Variants in GPR137B observed in about 807,000 individuals in gnomAD.
GPR137B encodes the protein G protein-coupled receptor 137B.
A neutral mutation model predicts 42.5 loss-of-function variants in GPR137B; 42 were observed. The observed-to-expected ratio is 0.99, with a 90% CI of 0.77 to 1.28. The LOEUF is 1.28. Ranked by LOEUF, GPR137B falls within the 50% of genes most tolerant of loss-of-function variation. The pLI is 0.00. For missense variants in GPR137B, 487 were observed against 493.9 expected (o/e 0.99, Z 0.13); for synonymous variants, 218 against 209.7 (o/e 1.04, Z -0.34).
In GPR137B at chr1:236,146,895, G is replaced by A. The variant is rs1005639062; in HGVS notation, c.414+3859G>A. On this transcript the variant is annotated intron_variant, in intron 1 of 6. Transcript: ENST00000366592. ...GTGATCTTGGCTCACTGCAACCTCC[G>A]CCTCCCAGATTCAAGCAGTTCTCCT... Among the ~76,000 whole-genome samples, 7 of 152,116 alleles carry A rather than the reference G, an allele frequency of 4.6e-5. 1 individual carries two copies. Among genetic ancestry groups the A allele is most frequent in the Middle Eastern group, 6.8e-3 (2 of 294 alleles).
At chr1:236,158,093 A>G (rs1662085357) in intron 1 of GPR137B, among the ~76,000 whole-genome samples, 1 of 152,206 alleles carries the variant, frequency 6.6e-6, no homozygotes, top group Non-Finnish European at 1.5e-5. Flanking sequence ...AGGAGGGGGC[A>G]GGCTGGGAGC....
intron 2 of GPR137B, among the ~76,000 whole-genome samples, chr1:236,170,095 G>A (rs1662490298): frequency 6.6e-6 from 1 of 151,314 alleles, no homozygotes; most frequent in Non-Finnish European, 1.5e-5. Flanking sequence ...GGTTGGGGGA[G>A]GAGAACAGGC....
intron 6 of GPR137B, among the ~76,000 whole-genome samples, chr1:236,206,142 C>G (rs1040814301): frequency 2.6e-5 from 4 of 152,170 alleles, no homozygotes; most frequent in Non-Finnish European, 5.9e-5. Flanking sequence ...ATAAATACTT[C>G]TATAGCATCT....
At chr1:236,159,155 G>A (rs970053214) in intron 1 of GPR137B, among the ~76,000 whole-genome samples, 1 of 151,758 alleles carries the variant, frequency 6.6e-6, no homozygotes, top group African/African-American at 2.4e-5. Flanking sequence ...TAAAAAATAA[G>A]ACAAATTAGC....
At chr1:236,198,450 C>T (rs1663401330) in intron 5 of GPR137B, among the ~76,000 whole-genome samples, 1 of 152,138 alleles carries the variant, frequency 6.6e-6, no homozygotes, top group Admixed American at 6.5e-5. Flanking sequence ...AAGTGATCTA[C>T]CTGCCTGGCC....
At chr1:236,185,203 T>C (rs1221983495) in intron 5 of GPR137B, among the ~76,000 whole-genome samples, 1 of 152,248 alleles carries the variant, frequency 6.6e-6, no homozygotes, top group African/African-American at 2.4e-5. Context: ...GAAAAAAGTC[T>C]AATACTCTTG....
At chr1:236,170,571 A>G (rs2102904846) in intron 2 of GPR137B, among the ~76,000 whole-genome samples, 1 of 152,300 alleles carries the variant, frequency 6.6e-6, no homozygotes, top group Admixed American at 6.5e-5. Context: ...CCACTGTGAA[A>G]TGATGTTGGT....
intron 2 of GPR137B, among the ~76,000 whole-genome samples, chr1:236,177,787 C>A (rs1003251503): frequency 2.0e-5 from 3 of 151,910 alleles, no homozygotes; most frequent in African/African-American, 7.3e-5. Context: ...AACTCCTGAC[C>A]TCAAGCTATC....
chr1:236,169,228 A>ACAGGTG (rs1160645210), intron 2 of GPR137B, among the ~76,000 whole-genome samples: 39 of 126,592 alleles, frequency 3.1e-4, no homozygotes, highest in South Asian at 1.2e-3. Flanking sequence ...AGGTACAGGT[A>ACAGGTG]CAGGTGCAGG....
rs1663730321 is a variant in GPR137B at position 236,208,436 on chromosome 1, A to G, written c.*278A>G. 1.5e-5 allele frequency: 14 copies of G among 964,882 alleles called. No homozygotes were observed. The South Asian group carries it at 5.6e-4, about 38-fold the overall frequency. 59.8% of individuals were successfully genotyped at this position (964,882 alleles called of 1,614,324 possible). On this transcript the variant is annotated 3_prime_UTR_variant, in exon 7 of 7. Coordinates refer to ENST00000366592, the MANE Select transcript of GPR137B (RefSeq NM_003272.4). ...ATGTATTTTGTATAACTTAAATAATAATGCTAAAGTATACTAGGGTTTTTT... is the reference window on the plus strand; with the variant it reads ...ATGTATTTTGTATAACTTAAATAATGATGCTAAAGTATACTAGGGTTTTTT...
intron 1 of GPR137B, among the ~76,000 whole-genome samples, chr1:236,149,995 ATGTGTGCCTGTG>A (rs930615082): frequency 1.8e-4 from 27 of 146,152 alleles, no homozygotes; most frequent in African/African-American, 3.6e-4. Flanking sequence ...GGGTTTGTGT[ATGTGTGCCTGTG>A]TGTGTGCCTG....
At chr1:236,167,702 C>T (rs928151951) in intron 1 of GPR137B, among the ~76,000 whole-genome samples, 9 of 152,194 alleles carry the variant, frequency 5.9e-5, no homozygotes, top group African/African-American at 2.2e-4. Flanking sequence ...TCCATGTGCT[C>T]ATGTGTAACT....
intron 5 of GPR137B, among the ~76,000 whole-genome samples, chr1:236,204,220 G>A (rs1278464846): frequency 6.6e-6 from 1 of 152,100 alleles, no homozygotes; most frequent in African/African-American, 2.4e-5. Flanking sequence ...ATTTATTTGT[G>A]CTATGTTGAG....
intron 3 of GPR137B, among the ~76,000 whole-genome samples, 153 bp downstream of exon 3, chr1:236,178,789 T>TTTTTG (rs1662774757): frequency 4.8e-5 from 3 of 62,608 alleles, no homozygotes; most frequent in Admixed American, 3.0e-4. Flanking sequence ...CTCGAGGTTT[T>TTTTTG]TTTTTTTTTT....
Position 236,208,127 on chromosome 1 carries a change from C to A in GPR137B, c.1169C>A (p.Thr390Asn), listed in dbSNP as rs1231751503. Reference sequence around the variant, plus strand: ...CAAGCAGGAACTTTGCAAGACTCAACTTTGGATCCTGACAAACCAAGCCTT... The same window carrying A: ...CAAGCAGGAACTTTGCAAGACTCAAATTTGGATCCTGACAAACCAAGCCTT... ...LAQAGTLQDSTLDPDKPSLG is the reference protein window; with the variant it reads ...LAQAGTLQDSNLDPDKPSLG Residue 390 changes from threonine (T) to asparagine (N), a missense_variant, in exon 7 of 7, where the codon ACT becomes AAT. By Grantham distance (65) the Thr-to-Asn change is moderately conservative. Transcript: ENST00000366592. The A allele has an allele frequency of 1.9e-6, 3 of 1,613,796 alleles. No individual in the cohort carries two copies. Among genetic ancestry groups the A allele is most frequent in the Non-Finnish European group, 2.5e-6 (3 of 1,179,688 alleles).
Position 236,208,273 on chromosome 1 carries a change from T to C in GPR137B, c.*115T>C, listed in dbSNP as rs1020900201. 1.9e-5 allele frequency: 28 copies of C among 1,479,412 alleles called. 1 individual carries two copies. Among genetic ancestry groups the C allele is most frequent in the Non-Finnish European group, 2.5e-5 (28 of 1,119,338 alleles). 91.6% of individuals were successfully genotyped at this position (1,479,412 alleles called of 1,614,324 possible). On this transcript the variant is annotated 3_prime_UTR_variant, in exon 7 of 7. Coordinates refer to ENST00000366592, the MANE Select transcript of GPR137B (RefSeq NM_003272.4). ...AGAAATAGAACTTGATTTTTATTTG[T>C]TACAGGTTTCCAATGGCCCCATAGG...
intron 5 of GPR137B, among the ~76,000 whole-genome samples, chr1:236,201,316 TGTCTAGATCTCTA>T (rs1663486043): frequency 1.3e-5 from 2 of 152,118 alleles, no homozygotes; most frequent in South Asian, 4.1e-4. Context: ...TGTATTTGGA[TGTCTAGATCTCTA>T]GTGAGGCCAG....
intron 1 of GPR137B, among the ~76,000 whole-genome samples, chr1:236,157,100 A>AT (rs1662053890): frequency 6.6e-6 from 1 of 152,136 alleles, no homozygotes; most frequent in Non-Finnish European, 1.5e-5. Context: ...GGCTGGTGTT[A>AT]TTAGTCTCAT....
At chr1:236,143,072 G>A (rs1661573948) in intron 1 of GPR137B, 36 bp downstream of exon 1, 3 of 1,559,886 alleles carry the variant, frequency 1.9e-6, no homozygotes, top group Non-Finnish European at 2.6e-6. Flanking sequence ...GCGCTCACCT[G>A]GCGGGGTGGT....
Sources: gnomAD v4.1 joint callset for allele counts (sites outside exome capture counted in the v4.1 genomes callset) on GRCh38, gnomAD v4.1.1 for gene constraint, MANE v1.5 for transcripts, NCBI Gene and HGNC (gene_info 2026-07-23, HGNC 2026-07-21) for gene names.